Variants in HAP1 observed in about 807,000 individuals in gnomAD.
The protein encoded by HAP1 is huntingtin-associated protein 1.
Under a neutral mutation model 60.3 loss-of-function variants are expected in HAP1, and 59 were observed. The ratio of observed to expected loss-of-function variants is 0.98; its 90% confidence interval spans 0.79 to 1.22. The LOEUF is 1.22. Among genes scored for constraint, HAP1 ranks in the 50% most tolerant of loss-of-function variants. HAP1 has a pLI of 0.00. For missense variants in HAP1, 825 were observed against 785.3 expected, an observed-to-expected ratio of 1.05 and a Z score of -0.60; for synonymous variants, 346 against 330.6, an observed-to-expected ratio of 1.05 and a Z score of -0.50.
intron 2 of HAP1, 37 bp from the exon 3 acceptor site, chr17:41,732,431 C>A (rs782192713): frequency 1.2e-6 from 2 of 1,601,288 alleles, no homozygotes; most frequent in Non-Finnish European, 8.5e-7. Context: ...AGGCTAGGCC[C>A]CTAAGAGAAC....
At chr17:41,733,452 C>G (rs186361801) in intron 1 of HAP1, among the ~76,000 whole-genome samples, 1 of 148,066 alleles carries the variant, frequency 6.8e-6, no homozygotes, top group African/African-American at 2.5e-5. Flanking sequence ...CACCTGGGTC[C>G]CTGGCGCCTA....
At chr17:41,728,362 G>A (rs781843000) in intron 6 of HAP1, 31 bp from the exon 7 acceptor site, 7 of 1,608,424 alleles carry the variant, frequency 4.4e-6, no homozygotes, top group Non-Finnish European at 5.9e-6. Context: ...GTCAGCCCTG[G>A]CTCCCCTGGC....
intron 6 of HAP1, among the ~76,000 whole-genome samples, chr17:41,731,157 G>T (rs569860718): frequency 9.9e-4 from 151 of 152,090 alleles, no homozygotes; most frequent in Non-Finnish European, 1.6e-3. Flanking sequence ...GTGATCCGCC[G>T]GCCTCAGCCT....
At chr17:41,721,627 G>GTGCAACCTCAGCTCAC (rs1387320106), downstream of HAP1, 1 of 156,966 alleles carries the variant, frequency 6.4e-6, no homozygotes, top group Non-Finnish European at 1.5e-5. Context: ...GAGTACAGTG[G>GTGCAACCTCAGCTCAC]TGCAACCTCA....
chr17:41,727,056 T>C lies in HAP1; in HGVS notation c.1364A>G (p.Glu455Gly), dbSNP rs1417054360. The C allele has an allele frequency of 2.6e-6, 4 of 1,520,234 alleles. No homozygotes were observed. Among genetic ancestry groups the C allele is most frequent in the Non-Finnish European group, 3.6e-6 (4 of 1,107,720 alleles). 94.2% of individuals were successfully genotyped at this position (1,520,234 alleles called of 1,614,324 possible). Reference sequence around the variant, plus strand: ...AGGGAGGGCCCCAGCCACGCACCTCTCCATAAAATACACAGGGTCTGAGAT... The same window carrying C: ...AGGGAGGGCCCCAGCCACGCACCTCCCCATAAAATACACAGGGTCTGAGAT... ...RMISDPVYFM[E>G]RNYEMPRGDT... The change falls in exon 9 of 11, where the codon GAG (glutamate) becomes GGG (glycine). Residue 455 changes from glutamate to glycine, a missense_variant. Physicochemically the swap from Glu to Gly is moderately conservative, Grantham distance 98. Coordinates refer to ENST00000347901, the MANE Select transcript of HAP1 (RefSeq NM_177977.3).
At chr17:41,732,509 CT>C in intron 2 of HAP1, 115 bp from the exon 3 acceptor site, 1 of 1,149,230 alleles carries the variant, frequency 8.7e-7, no homozygotes, top group Non-Finnish European at 1.2e-6. Flanking sequence ...TGGAACCTGG[CT>C]CAGTTTCCCC....
At chr17:41,726,654 G>A (rs1435284300) in intron 9 of HAP1, among the ~76,000 whole-genome samples, 2 of 151,982 alleles carry the variant, frequency 1.3e-5, no homozygotes, top group African/African-American at 4.8e-5. Context: ...CCTGAGGTCA[G>A]GAGCTTGAGA....
downstream of HAP1, chr17:41,717,923 G>A (rs1555586264): frequency 2.2e-6 from 1 of 454,392 alleles, no homozygotes; most frequent in African/African-American, 2.0e-5. Flanking sequence ...TTCCATCATT[G>A]TTCTTGTGCC....
intron 10 of HAP1, among the ~76,000 whole-genome samples, chr17:41,725,534 GAC>G (rs1253710772): frequency 6.6e-6 from 1 of 152,168 alleles, no homozygotes; most frequent in Non-Finnish European, 1.5e-5. Context: ...CTTGCCCAAG[GAC>G]ACACAGTCAG....
At chr17:41,717,821 TCCCCGGTG>T (rs1471550481), downstream of HAP1, 1 of 334,512 alleles carries the variant, frequency 3.0e-6, no homozygotes, top group Non-Finnish European at 6.8e-6. Context: ...CCCTTCTGTA[TCCCCGGTG>T]GCAAGAATAG....
chr17:41,733,868 T>C (rs1240846771), intron 1 of HAP1, among the ~76,000 whole-genome samples: 1 of 149,854 alleles, frequency 6.7e-6, no homozygotes, highest in Non-Finnish European at 1.5e-5. Flanking sequence ...GGCACTGCGG[T>C]AGACCCAGGA....
intron 6 of HAP1, among the ~76,000 whole-genome samples, chr17:41,729,597 C>T (rs1268263217): frequency 7.2e-6 from 1 of 139,036 alleles, no homozygotes; most frequent in Non-Finnish European, 1.5e-5. Context: ...CGGTCTTGGC[C>T]GGGCGTGGTG....
chr17:41,727,796 G>C lies in HAP1; in HGVS notation c.1241C>G (p.Ser414Trp). 6.2e-7 allele frequency: 1 copy of C among 1,611,740 alleles called. No individual in the cohort carries two copies. The highest frequency in any genetic ancestry group is 8.5e-7 in the Non-Finnish European group (1 of 1,178,468). The change falls in exon 8 of 11, where the codon TCG becomes TGG. Residue 414 changes from serine (S) to tryptophan (W), a missense_variant. Coordinates refer to ENST00000347901, the MANE Select transcript of HAP1 (RefSeq NM_177977.3). ...GAGCTGCATCTGGATTTCCTTCTCC[G>C]AAGCCAGCTGCTTCTGCAACTTTTC... ...ETEKLQKQLA[S>W]EKEIQMQLQE...
At chr17:41,732,913 C>T (rs1912339017) in intron 1 of HAP1, 115 bp from the exon 2 acceptor site, 2 of 709,306 alleles carry the variant, frequency 2.8e-6, no homozygotes, top group South Asian at 1.5e-5. Flanking sequence ...CAAGGGTCAT[C>T]GGGAGAGAAG....
downstream of HAP1, chr17:41,721,382 C>CT (rs1435614051): frequency 6.6e-5 from 10 of 152,508 alleles, no homozygotes; most frequent in African/African-American, 4.8e-5. Context: ...TTGCAGGTTG[C>CT]TTTTCTTCCA....
chr17:41,725,807 C>G, intron 10 of HAP1, 52 bp downstream of exon 10: 1 of 1,439,330 alleles, frequency 6.9e-7, no homozygotes, highest in Non-Finnish European at 9.8e-7. Context: ...GGTGGGCTGT[C>G]TGGCTGCTGA....
chr17:41,724,697 CTT>C lies in HAP1; in HGVS notation c.*2_*3del. 6.3e-7 allele frequency: 1 copy of C among 1,582,886 alleles called. No homozygotes were observed. Among genetic ancestry groups the C allele is most frequent in the Non-Finnish European group, 8.6e-7 (1 of 1,159,538 alleles). On this transcript the variant is annotated 3_prime_UTR_variant, in exon 11 of 11. Coordinates refer to ENST00000347901, the MANE Select transcript of HAP1 (RefSeq NM_177977.3). ...CACTCGGGGAGCTTATCCACCCTCT[CTT>C]TTCATCGGCACGACGATCTGCAGCT...
chr17:41,734,143 A>G, intron 1 of HAP1, 23 bp downstream of exon 1: 1 of 1,549,132 alleles, frequency 6.5e-7, no homozygotes, highest in Non-Finnish European at 8.8e-7. Context: ...CACCCGGTCC[A>G]GGACCCCGGG....
chr17:41,731,859 A>T, intron 4 of HAP1, 78 bp downstream of exon 4: 1 of 826,394 alleles, frequency 1.2e-6, no homozygotes, highest in Non-Finnish European at 2.0e-6. Context: ...CAGCAAGCAC[A>T]TCACCTGTGT....
Sources: gnomAD v4.1 joint callset for allele counts (sites outside exome capture counted in the v4.1 genomes callset) on GRCh38, gnomAD v4.1.1 for gene constraint, MANE v1.5 for transcripts, NCBI Gene and HGNC (gene_info 2026-07-23, HGNC 2026-07-21) for gene names.